MAF: variants seen among roughly 807,000 people sequenced by gnomAD.
MAF encodes transcription factor Maf.
In MAF, 10 loss-of-function variants were observed where a neutral mutation model predicts 22.0. The ratio of observed to expected loss-of-function variants is 0.45; its 90% CI spans 0.28 to 0.77. The LOEUF is 0.77. Among genes scored for constraint, MAF ranks in the 30% least tolerant of loss-of-function variants. The pLI is 0.12. For synonymous variants in MAF, 337 were observed against 255.8 expected, an observed-to-expected ratio of 1.32 and a Z score of -3.03; for missense variants, 544 against 548.4, an observed-to-expected ratio of 0.99 and a Z score of 0.08.
chr16:79,413,485 G>T, the MAF span, among the ~76,000 whole-genome samples: 31 of 150,456 alleles, frequency 2.1e-4, no homozygotes, highest in African/African-American at 7.6e-4. Context: ...CACCCGCCTC[G>T]GCCTCCCAAA....
chr16:79,515,561 G>C, the MAF span, among the ~76,000 whole-genome samples: 1 of 152,220 alleles, frequency 6.6e-6, no homozygotes, highest in African/African-American at 2.4e-5. Flanking sequence ...ATGCTAGGTA[G>C]GTTAGGTGAA....
At chr16:79,474,305 A>G in the MAF span, among the ~76,000 whole-genome samples, 1 of 152,302 alleles carries the variant, frequency 6.6e-6, no homozygotes, top group South Asian at 2.1e-4. Context: ...TGGTTGTACT[A>G]TTACCATTTA....
chr16:79,393,340 T>C, the MAF span, among the ~76,000 whole-genome samples: 14 of 152,302 alleles, frequency 9.2e-5, no homozygotes, highest in East Asian at 2.1e-3. Context: ...ATTTCCATGG[T>C]TGGCGAATAG....
the MAF span, among the ~76,000 whole-genome samples, chr16:79,407,819 G>A: frequency 5.3e-5 from 8 of 152,024 alleles, no homozygotes; most frequent in East Asian, 5.8e-4. Context: ...GGTTGCTCGC[G>A]GCTTCGTTTC....
the MAF span, among the ~76,000 whole-genome samples, chr16:79,346,268 C>A: frequency 6.7e-6 from 1 of 149,862 alleles, no homozygotes; most frequent in Non-Finnish European, 1.5e-5. Flanking sequence ...TGAGTGAGAA[C>A]ATGCAGTGTT....
the MAF span, among the ~76,000 whole-genome samples, chr16:79,567,900 G>A: frequency 5.3e-5 from 8 of 152,162 alleles, no homozygotes; most frequent in Non-Finnish European, 1.0e-4. Flanking sequence ...CTCCTGCGTC[G>A]CAGAGCTGAA....
chr16:79,286,750 G>A, the MAF span, among the ~76,000 whole-genome samples: 8 of 152,068 alleles, frequency 5.3e-5, no homozygotes, highest in South Asian at 2.1e-4. Context: ...ATGCCCACAC[G>A]TCCACCCGTT....
the MAF span, among the ~76,000 whole-genome samples, chr16:79,469,745 C>T: frequency 1.6e-3 from 244 of 152,040 alleles, no homozygotes; most frequent in African/African-American, 5.5e-3. Context: ...TACAGGTGCC[C>T]GCCACCTTGT....
At chr16:79,338,676 A>G in the MAF span, among the ~76,000 whole-genome samples, 1 of 152,176 alleles carries the variant, frequency 6.6e-6, no homozygotes. Context: ...GATGGACAGG[A>G]GGGAGAAAAG....
the MAF span, among the ~76,000 whole-genome samples, chr16:79,442,213 G>A: frequency 1.3e-5 from 2 of 152,332 alleles, no homozygotes; most frequent in Non-Finnish European, 2.9e-5. Context: ...TAATATAGGG[G>A]ATGAAAGGTG....
chr16:79,573,995 G>T, the MAF span, among the ~76,000 whole-genome samples: 1 of 152,178 alleles, frequency 6.6e-6, no homozygotes, highest in Non-Finnish European at 1.5e-5. Context: ...ATACCGTGCC[G>T]CATTCTGGAA....
the MAF span, among the ~76,000 whole-genome samples, chr16:79,214,762 G>C: frequency 1.8e-5 from 2 of 111,664 alleles, no homozygotes; most frequent in African/African-American, 7.0e-5. Context: ...GCCCAGTCTA[G>C]AGTGCAGTGG....
the MAF span, among the ~76,000 whole-genome samples, chr16:79,518,732 C>T: frequency 4.6e-5 from 7 of 152,178 alleles, no homozygotes; most frequent in Non-Finnish European, 8.8e-5. Flanking sequence ...GTCGGAAGTT[C>T]AAGACCTCAT....
At chr16:79,459,770 C>T in the MAF span, among the ~76,000 whole-genome samples, 1 of 152,040 alleles carries the variant, frequency 6.6e-6, no homozygotes, top group Admixed American at 6.6e-5. Context: ...TGCCATGTTG[C>T]CCAGGTTGGT....
chr16:79,347,741 C>T, the MAF span, among the ~76,000 whole-genome samples: 1 of 152,268 alleles, frequency 6.6e-6, no homozygotes, highest in Non-Finnish European at 1.5e-5. Context: ...CTCTGTGGCA[C>T]AACCCGGGCC....
At chr16:79,330,667 A>C in the MAF span, among the ~76,000 whole-genome samples, 5 of 152,230 alleles carry the variant, frequency 3.3e-5, no homozygotes, top group African/African-American at 9.6e-5. Context: ...TAGTCATCAA[A>C]ACAGCTCCCC....
chr16:79,525,552 A>G, the MAF span, among the ~76,000 whole-genome samples: 1 of 152,234 alleles, frequency 6.6e-6, no homozygotes, highest in Non-Finnish European at 1.5e-5. Flanking sequence ...AAAAAGAGTA[A>G]GCCATGTTAA....
chr16:79,365,188 A>G, the MAF span, among the ~76,000 whole-genome samples: 1 of 152,038 alleles, frequency 6.6e-6, no homozygotes, highest in Non-Finnish European at 1.5e-5. Context: ...TTATTTTAGA[A>G]CCCTGAAGAT....
At chr16:79,522,861 A>G in the MAF span, among the ~76,000 whole-genome samples, 3 of 152,236 alleles carry the variant, frequency 2.0e-5, no homozygotes, top group African/African-American at 7.2e-5. Flanking sequence ...AACTTGTTTC[A>G]TGAACACCAT....
Sources: gnomAD v4.1 joint callset for allele counts (sites outside exome capture counted in the v4.1 genomes callset) on GRCh38, gnomAD v4.1.1 for gene constraint, MANE v1.5 for transcripts, NCBI Gene and HGNC (gene_info 2026-07-23, HGNC 2026-07-21) for gene names.